The following DACH1 variants were observed in gnomAD, a reference collection of about 807,000 sequenced individuals.
DACH1 encodes the protein dachshund homolog 1.
Under a neutral mutation model 54.2 loss-of-function variants are expected in DACH1, and 12 were observed. The observed-to-expected ratio is 0.22, with a 90% confidence interval of 0.14 to 0.36. DACH1 has a LOEUF of 0.36. Among genes scored for constraint, DACH1 ranks in the 10% least tolerant of loss-of-function variants. The probability of loss-of-function intolerance (pLI) is 1.00; values close to 1 mark genes in which losing one functional copy is unlikely to be tolerated. For missense variants in DACH1, 805 were observed against 929.8 expected (o/e 0.87, Z 1.75); for synonymous variants, 386 against 366.2 (o/e 1.05, Z -0.62).
In DACH1 at chr13:71,866,885, C is replaced by G; in HGVS notation, c.-116G>C. 2.6e-6 allele frequency: 2 copies of G among 763,070 alleles called. No individual in the cohort carries two copies. Among genetic ancestry groups the G allele is most frequent in the Non-Finnish European group, 3.6e-6 (2 of 561,076 alleles). 47.3% of individuals were successfully genotyped at this position (763,070 alleles called of 1,614,324 possible). Reference sequence around the variant, plus strand: ...AGGAGCGAGGGGGGCAACAACAACTCCGGGAGAGAACGAGAAGGAGAAAGG... The same window carrying G: ...AGGAGCGAGGGGGGCAACAACAACTGCGGGAGAGAACGAGAAGGAGAAAGG... On this transcript the variant is annotated 5_prime_UTR_variant, in exon 1 of 11. Coordinates refer to ENST00000613252, the MANE Select transcript of DACH1 (RefSeq NM_080759.6).
intron 1 of DACH1, among the ~76,000 whole-genome samples, chr13:71,702,544 T>C (rs2138753970): frequency 6.6e-6 from 1 of 152,244 alleles, no homozygotes; most frequent in Admixed American, 6.5e-5. Context: ...CAGAAAATAT[T>C]GTCACGCAAA....
intron 6 of DACH1, among the ~76,000 whole-genome samples, chr13:71,528,063 T>A (rs937139106): frequency 7.9e-5 from 12 of 152,170 alleles, no homozygotes; most frequent in African/African-American, 2.9e-4. Flanking sequence ...GAATGTAAGA[T>A]AATCTACAAA....
chr13:71,609,512 G>A (rs993839345), intron 3 of DACH1, among the ~76,000 whole-genome samples: 1 of 151,230 alleles, frequency 6.6e-6, no homozygotes, highest in Non-Finnish European at 1.5e-5. Context: ...AACACAACTA[G>A]TTAAAAAGTT....
At chr13:71,628,705 C>A (rs1300755420) in intron 3 of DACH1, among the ~76,000 whole-genome samples, 3 of 151,952 alleles carry the variant, frequency 2.0e-5, no homozygotes, top group Non-Finnish European at 4.4e-5. Context: ...AGGCTACGTA[C>A]CAAAATAATT....
chr13:71,491,706 G>A (rs528519395), intron 6 of DACH1, among the ~76,000 whole-genome samples: 154 of 152,188 alleles, frequency 1.0e-3, no homozygotes, highest in African/African-American at 3.5e-3. Flanking sequence ...ATTCCTTTGG[G>A]TCTCATGACC....
chr13:71,754,927 T>C (rs1299131483), intron 1 of DACH1, among the ~76,000 whole-genome samples: 3 of 152,172 alleles, frequency 2.0e-5, no homozygotes, highest in Non-Finnish European at 4.4e-5. Context: ...TATCATTCTG[T>C]TTTTATCCAG....
intron 2 of DACH1, among the ~76,000 whole-genome samples, chr13:71,642,851 C>G (rs542642936): frequency 3.3e-5 from 5 of 151,896 alleles, no homozygotes; most frequent in Admixed American, 6.6e-5. Context: ...TGAAACCCAT[C>G]TCTACTGAAA....
chr13:71,597,700 T>C (rs1874195994), intron 3 of DACH1, among the ~76,000 whole-genome samples: 1 of 152,190 alleles, frequency 6.6e-6, no homozygotes, highest in African/African-American at 2.4e-5. Flanking sequence ...AAGATGATCA[T>C]CACTGTCCCT....
intron 1 of DACH1, among the ~76,000 whole-genome samples, chr13:71,758,446 T>TA (rs1377834958): frequency 6.6e-6 from 1 of 152,152 alleles, no homozygotes; most frequent in East Asian, 1.9e-4. Context: ...TTTATACATA[T>TA]AAAAGGTCTT....
intron 6 of DACH1, among the ~76,000 whole-genome samples, chr13:71,497,426 G>A (rs1879528598): frequency 2.0e-5 from 3 of 151,826 alleles, no homozygotes; most frequent in Non-Finnish European, 2.9e-5. Context: ...CTGCATCCTG[G>A]GTTCAGGTGG....
chr13:71,782,107 C>T (rs1405152336), intron 1 of DACH1, among the ~76,000 whole-genome samples: 1 of 152,146 alleles, frequency 6.6e-6, no homozygotes, highest in East Asian at 1.9e-4. Flanking sequence ...GTCTCATCCT[C>T]CTATTCTGCA....
intron 4 of DACH1, among the ~76,000 whole-genome samples, chr13:71,571,304 G>A (rs562921296): frequency 4.6e-5 from 7 of 152,086 alleles, no homozygotes; most frequent in Non-Finnish European, 1.0e-4. Context: ...ATGATGGGAA[G>A]ACTTAAATGG....
chr13:71,754,732 C>A (rs1372692112), intron 1 of DACH1, among the ~76,000 whole-genome samples: 2 of 149,868 alleles, frequency 1.3e-5, no homozygotes, highest in Non-Finnish European at 1.5e-5. Context: ...ATCTTTTAGA[C>A]ATAACCAGGA....
At chr13:71,472,859 C>A (rs1158975213) in intron 10 of DACH1, among the ~76,000 whole-genome samples, 1 of 152,080 alleles carries the variant, frequency 6.6e-6, no homozygotes, top group Non-Finnish European at 1.5e-5. Flanking sequence ...AGTATTCTTT[C>A]TTTGATTGCT....
chr13:71,721,087 C>T (rs1355566469), intron 1 of DACH1, among the ~76,000 whole-genome samples: 4 of 152,130 alleles, frequency 2.6e-5, no homozygotes, highest in African/African-American at 9.6e-5. Flanking sequence ...ACAAAGCCAA[C>T]ACTAATCCTT....
At chr13:71,530,365 T>G (rs1309309230) in intron 6 of DACH1, among the ~76,000 whole-genome samples, 1 of 152,176 alleles carries the variant, frequency 6.6e-6, no homozygotes, top group Non-Finnish European at 1.5e-5. Context: ...CTAACTCACA[T>G]GGTAATGATT....
chr13:71,463,421 T>C (rs909272611), intron 10 of DACH1, among the ~76,000 whole-genome samples: 9 of 151,982 alleles, frequency 5.9e-5, no homozygotes, highest in African/African-American at 2.2e-4. Flanking sequence ...ATAGAAAGAC[T>C]ATATATTTGC....
Position 71,439,881 on chromosome 13 carries a change from A to G in DACH1, c.*774T>C, listed in dbSNP as rs899731181. ...TGACCAACAGTTTGAATAAGAAGCA[A>G]CATTATTATCTTTAATTCTACATAC... is the stretch of plus-strand genomic sequence containing the variant. On this transcript the variant is annotated 3_prime_UTR_variant, in exon 11 of 11. Transcript: ENST00000613252. 6.6e-6 allele frequency: 1 copy of G among 152,422 alleles called. No homozygotes were observed. The highest frequency in any genetic ancestry group is 1.5e-5 in the Non-Finnish European group (1 of 67,948). 9.4% of individuals were successfully genotyped at this position (152,422 alleles called of 1,614,324 possible). A position where few individuals can be genotyped will look rare whatever the true frequency, so the allele number is the denominator to read the frequency against.
rs183421423 is a variant in DACH1, at chr13:71,621,450, T to C, written c.1126+9106A>G. Among the ~76,000 whole-genome samples, 18 of 152,172 alleles carry C rather than the reference T, an allele frequency of 1.2e-4. No homozygotes were observed. In the Middle Eastern group the frequency reaches 0.014, roughly 115 times the overall value. ...CAGCGTGTGACTGAGAAGATCCATA[T>C]CTGTGAGCAGGAGGTACTTCACTTC... On this transcript the variant is annotated intron_variant, in intron 3 of 10. Coordinates refer to ENST00000613252, the MANE Select transcript of DACH1 (RefSeq NM_080759.6).
Sources: allele counts gnomAD v4.1 joint callset (sites outside exome capture counted in the v4.1 genomes callset), GRCh38; gene constraint gnomAD v4.1.1; transcripts MANE v1.5; gene names NCBI Gene and HGNC (gene_info 2026-07-23, HGNC 2026-07-21).